Variants in ACOT11 observed in about 807,000 individuals in gnomAD.
ACOT11 encodes acyl-CoA thioesterase 11.
In ACOT11, 69 loss-of-function variants were observed where a neutral mutation model predicts 77.5. The ratio of observed to expected loss-of-function variants is 0.89; its 90% CI spans 0.73 to 1.09. The LOEUF is 1.09. Ranked by LOEUF, ACOT11 falls within the 50% of genes least tolerant of loss-of-function variation. The pLI is 0.00. For synonymous variants in ACOT11, 279 were observed against 313.0 expected, an observed-to-expected ratio of 0.89 and a Z score of 1.15; for missense variants, 766 against 813.7, an observed-to-expected ratio of 0.94 and a Z score of 0.71.
At chr1:54,586,534 C>G (rs1323689527) in intron 3 of ACOT11, among the ~76,000 whole-genome samples, 3 of 151,538 alleles carry the variant, frequency 2.0e-5, no homozygotes, top group Non-Finnish European at 4.4e-5. Flanking sequence ...TGAGTTTAAG[C>G]AATTCTTGTG....
intron 15 of ACOT11, chr1:54,615,910 T>G: frequency 1.1e-5 from 13 of 1,145,438 alleles, no homozygotes; most frequent in South Asian, 2.7e-5. Context: ...GCCAAGGCAA[T>G]GAGCACCTCG....
chr1:54,635,316 C>G, exon 17 of ACOT11: 1 of 251,940 alleles, frequency 4.0e-6, no homozygotes, highest in South Asian at 4.3e-5. Flanking sequence ...ATGATCTGAA[C>G]AAAACAGTCA....
At chr1:54,568,330 C>T (rs1274758969) in intron 1 of ACOT11, among the ~76,000 whole-genome samples, 1 of 146,908 alleles carries the variant, frequency 6.8e-6, no homozygotes, top group Non-Finnish European at 1.5e-5. Flanking sequence ...TGAGAAGACA[C>T]TATGTCTGTT....
chr1:54,610,482 G>A (rs17110827), downstream of ACOT11: 8,782 of 1,501,182 alleles, frequency 5.9e-3, 402 homozygotes, highest in African/African-American at 0.1. Context: ...CATTCAGACC[G>A]TCATCCCCAG....
At position 54,607,879 on chromosome 1, in the gene ACOT11, G is replaced by A. The variant is rs768988081; in HGVS notation, c.1503-63G>A. Reference sequence around the variant, plus strand: ...GCAGGGTCTCGGCCTTGGTTGGGCAGAACAGGCCCCCACTTTCTTCTGTGG... The same window carrying A: ...GCAGGGTCTCGGCCTTGGTTGGGCAAAACAGGCCCCCACTTTCTTCTGTGG... On this transcript the variant is annotated intron_variant, in intron 14 of 15. Transcript: ENST00000343744. This position sits in a 1 kb window ranked among gnomAD's most constrained non-coding sequence, Gnocchi z 4.5. 36 of 1,604,696 alleles carry A rather than the reference G, an allele frequency of 2.2e-5. No homozygotes were observed. Among genetic ancestry groups the A allele is most frequent in the Non-Finnish European group, 3.1e-5 (36 of 1,174,296 alleles).
intron 16 of ACOT11, among the ~76,000 whole-genome samples, chr1:54,632,286 T>C (rs1483789088): frequency 6.6e-6 from 1 of 152,174 alleles, no homozygotes; most frequent in Admixed American, 6.5e-5. Context: ...CCCTGTACAA[T>C]GTCTGTCCCC....
rs1043453980 is a variant in ACOT11, at chr1:54,610,046, C to G, written c.*934C>G. On this transcript the variant is annotated 3_prime_UTR_variant, in exon 16 of 16. Coordinates refer to ENST00000343744, the MANE Select transcript of ACOT11 (RefSeq NM_147161.4). ...TGGGAGTTATGGGGTCATCAAGGAC[C>G]TTGCCTCTCTGGAATCTGTCAACCC... 1.4e-6 allele frequency: 2 copies of G among 1,449,376 alleles called. No homozygotes were observed. Among genetic ancestry groups the G allele is most frequent in the East Asian group, 2.4e-5 (1 of 40,920 alleles). 89.8% of individuals were successfully genotyped at this position (1,449,376 alleles called of 1,614,324 possible). A position where few individuals can be genotyped will look rare whatever the true frequency, so the allele number is the denominator to read the frequency against.
At chr1:54,580,694 G>A (rs975225229) in intron 1 of ACOT11, among the ~76,000 whole-genome samples, 3 of 152,160 alleles carry the variant, frequency 2.0e-5, no homozygotes, top group Non-Finnish European at 2.9e-5. Flanking sequence ...TGCCAGGCAC[G>A]TGTCCCTGTC....
rs1180697211 is a variant in ACOT11 at position 54,609,836 on chromosome 1, G to C, written c.*724G>C. ...ATGTGTGGCCAGCTGCTGCAGGCAGGACTCCAGCGTCAGGATGTTGCCACT... is the reference window on the plus strand; with the variant it reads ...ATGTGTGGCCAGCTGCTGCAGGCAGCACTCCAGCGTCAGGATGTTGCCACT... On this transcript the variant is annotated 3_prime_UTR_variant, in exon 16 of 16. Transcript: ENST00000343744. 1 of 1,614,080 alleles carries C rather than the reference G, an allele frequency of 6.2e-7. No individual in the cohort carries two copies. The highest frequency in any genetic ancestry group is 8.5e-7 in the Non-Finnish European group (1 of 1,180,056).
chr1:54,625,958 GAAAGAAAAAAAGAAAAGAAA>G, intron 15 of ACOT11, among the ~76,000 whole-genome samples: 1 of 130,660 alleles, frequency 7.7e-6, no homozygotes, highest in Admixed American at 8.2e-5. Flanking sequence ...AAAAAAGAAA[GAAAGAAAAAAAGAAAAGAAA>G]AGGCCAGCAT....
At chr1:54,620,083 C>T (rs561691678) in intron 15 of ACOT11, 100 of 1,486,436 alleles carry the variant, frequency 6.7e-5, no homozygotes, top group Non-Finnish European at 8.3e-5. Context: ...ATCCCATGAC[C>T]CTCCCTGGGC....
chr1:54,567,661 T>C (rs1036354633), intron 1 of ACOT11, among the ~76,000 whole-genome samples: 2 of 152,132 alleles, frequency 1.3e-5, no homozygotes, highest in Non-Finnish European at 2.9e-5. Context: ...ACCCTCCCTC[T>C]ACACTGCCCG....
chr1:54,608,174 C>A, intron 15 of ACOT11, 106 bp downstream of exon 15: 2 of 1,090,280 alleles, frequency 1.8e-6, no homozygotes, highest in Non-Finnish European at 2.5e-6. Flanking sequence ...AGCTGGCCCC[C>A]CAGCAGGCTC....
At chr1:54,575,872 A>G (rs1654096399) in intron 1 of ACOT11, among the ~76,000 whole-genome samples, 1 of 152,226 alleles carries the variant, frequency 6.6e-6, no homozygotes, top group Non-Finnish European at 1.5e-5. Context: ...GCTGCACATG[A>G]GGACCTGAAA....
Position 54,609,340 on chromosome 1 carries a change from G to T in ACOT11, c.*228G>T. 6.2e-7 allele frequency: 1 copy of T among 1,614,142 alleles called. No homozygotes were observed. The highest frequency in any genetic ancestry group is 8.5e-7 in the Non-Finnish European group (1 of 1,180,004). ...GTAGCCTGTAGTAGACTCGGGTCCT[G>T]TCCACAGCCCTAGCTGCCAGCAATG... On this transcript the variant is annotated 3_prime_UTR_variant, in exon 16 of 16. Transcript: ENST00000343744.
At chr1:54,604,658 C>G (rs189252120) in intron 12 of ACOT11, among the ~76,000 whole-genome samples, 304 of 152,304 alleles carry the variant, frequency 2.0e-3, no homozygotes, top group Non-Finnish European at 2.8e-3. Flanking sequence ...TGTTCTCAAC[C>G]ACTCAGGTCT....
chr1:54,638,736 G>C (rs778657698), exon 17 of ACOT11: 11 of 152,182 alleles, frequency 7.2e-5, no homozygotes, highest in Non-Finnish European at 1.5e-4. Context: ...GCCCAGGCCT[G>C]TCTGTTGGCC....
downstream of ACOT11, among the ~76,000 whole-genome samples, chr1:54,612,221 G>A (rs1435895285): frequency 1.3e-5 from 2 of 151,860 alleles, no homozygotes; most frequent in Admixed American, 1.3e-4. Context: ...ATTGGAGGAA[G>A]CTGTGGGGAG....
intron 1 of ACOT11, among the ~76,000 whole-genome samples, chr1:54,564,777 C>T (rs1168788027): frequency 1.3e-5 from 2 of 152,166 alleles, no homozygotes; most frequent in African/African-American, 4.8e-5. Context: ...CCTCAGCTTC[C>T]TCATTCATAA....
Sources: allele counts gnomAD v4.1 joint callset (sites outside exome capture counted in the v4.1 genomes callset), GRCh38; gene constraint gnomAD v4.1.1; non-coding constraint Gnocchi (gnomAD v3.1); transcripts MANE v1.5; gene names NCBI Gene and HGNC (gene_info 2026-07-23, HGNC 2026-07-21).